Variants in NFIB observed in about 807,000 individuals in gnomAD.
The protein encoded by NFIB is nuclear factor 1 B-type.
In NFIB, 11 loss-of-function variants were observed where a neutral mutation model predicts 61.5. That is an observed-to-expected ratio of 0.18 (90% CI 0.11 to 0.30). The LOEUF (loss-of-function observed/expected upper bound fraction) is 0.30. NFIB is among the 10% of genes least tolerant of loss of function. The pLI is 1.00. For missense variants in NFIB, 471 were observed against 608.9 expected (o/e 0.77, Z 2.38); for synonymous variants, 260 against 216.5 (o/e 1.20, Z -1.76).
chr9:14,287,517 G>A (rs1282209136), intron 2 of NFIB, among the ~76,000 whole-genome samples: 7 of 151,878 alleles, frequency 4.6e-5, no homozygotes, highest in Non-Finnish European at 7.4e-5. Context: ...TCTGCCTCCC[G>A]GGTTCAAACG....
rs576843559 is a variant in NFIB, at chr9:14,086,783, T to G, written c.*1526A>C. On this transcript the variant is annotated 3_prime_UTR_variant, in exon 11 of 11. Transcript: ENST00000380953. ...TGTCACTTTGTTGTATTTTTTTGTT[T>G]TTTTTTTTTTGTTTTTTGTTTTTTA... 10 of 207,188 alleles carry G rather than the reference T, an allele frequency of 4.8e-5. No individual in the cohort carries two copies. The highest frequency in any genetic ancestry group is 2.2e-4 in the East Asian group (3 of 13,602). 12.8% of individuals were successfully genotyped at this position (207,188 alleles called of 1,614,324 possible). A position where few individuals can be genotyped will look rare whatever the true frequency, so the allele number is the denominator to read the frequency against.
intron 5 of NFIB, among the ~76,000 whole-genome samples, chr9:14,149,406 T>A (rs910196391): frequency 6.6e-6 from 1 of 152,140 alleles, no homozygotes; most frequent in Non-Finnish European, 1.5e-5. Context: ...ATTACACATA[T>A]ATTTAATGCT....
chr9:14,109,254 T>A (rs2036999463), intron 10 of NFIB, among the ~76,000 whole-genome samples: 1 of 152,136 alleles, frequency 6.6e-6, no homozygotes, highest in South Asian at 2.1e-4. Context: ...CTCTGATTGA[T>A]AGTTCCCATT....
chr9:14,305,080 G>A (rs2059949289), intron 2 of NFIB, among the ~76,000 whole-genome samples: 1 of 152,158 alleles, frequency 6.6e-6, no homozygotes, highest in South Asian at 2.1e-4. Flanking sequence ...CTTAAGAGTT[G>A]CTTAAAACTT....
At chr9:14,188,142 C>G (rs530632811) in intron 2 of NFIB, among the ~76,000 whole-genome samples, 1 of 152,320 alleles carries the variant, frequency 6.6e-6, no homozygotes, top group African/African-American at 2.4e-5. Context: ...GTCAAGATTG[C>G]TGACTTTCTA....
intron 6 of NFIB, among the ~76,000 whole-genome samples, chr9:14,135,803 T>C (rs1164875283): frequency 1.3e-5 from 2 of 152,278 alleles, no homozygotes; most frequent in Middle Eastern, 3.4e-3. Flanking sequence ...ATGAAATCAG[T>C]TCCTTTTCAA....
chr9:14,301,578 C>T lies in NFIB; in HGVS notation c.562+5411G>A, dbSNP rs558396716. ...ATAAGCGTCCCATCCCTCCCTCCCT[C>T]TCTCCTTCTCTCCCCCCACCCTTCC... On this transcript the variant is annotated intron_variant, in intron 2 of 10. Transcript: ENST00000380953. 5.9e-5 allele frequency among the ~76,000 whole-genome samples: 9 copies of T among 152,080 alleles called. No homozygotes were observed. In the South Asian group the frequency reaches 1.9e-3, roughly 32 times the overall value.
At chr9:14,371,650 T>C (rs559307114) in intron 1 of NFIB, among the ~76,000 whole-genome samples, 12 of 152,366 alleles carry the variant, frequency 7.9e-5, no homozygotes, top group Non-Finnish European at 1.5e-4. Flanking sequence ...AAACTTTACA[T>C]AAGAACATAG....
intron 3 of NFIB, among the ~76,000 whole-genome samples, chr9:14,166,772 G>A (rs2044841496): frequency 6.6e-6 from 1 of 151,922 alleles, no homozygotes; most frequent in South Asian, 2.1e-4. Context: ...AGTATCTTGG[G>A]GTTGTCCTCT....
chr9:14,306,907 T>C, intron 2 of NFIB, 82 bp downstream of exon 2: 8 of 1,547,014 alleles, frequency 5.2e-6, no homozygotes, highest in Non-Finnish European at 7.0e-6. Flanking sequence ...TTGAGGACCA[T>C]CTAACTCAAG....
chr9:14,142,208 C>G (rs1178824373), intron 6 of NFIB, among the ~76,000 whole-genome samples: 1 of 152,164 alleles, frequency 6.6e-6, no homozygotes, highest in Non-Finnish European at 1.5e-5. Flanking sequence ...ATGGGAGGAA[C>G]CTGGTGGGAG....
intron 1 of NFIB, among the ~76,000 whole-genome samples, chr9:14,338,180 G>A (rs1163591596): frequency 6.6e-6 from 1 of 152,136 alleles, no homozygotes; most frequent in East Asian, 1.9e-4. Flanking sequence ...GGATCACAAG[G>A]TCAGAAGATC....
At chr9:14,255,436 C>A (rs1397177313) in intron 2 of NFIB, among the ~76,000 whole-genome samples, 2 of 152,048 alleles carry the variant, frequency 1.3e-5, no homozygotes, top group African/African-American at 4.8e-5. Flanking sequence ...CTGACTTTAC[C>A]TTGTTTTACA....
intron 2 of NFIB, among the ~76,000 whole-genome samples, chr9:14,211,123 A>T (rs538219393): frequency 6.6e-6 from 1 of 152,288 alleles, no homozygotes; most frequent in South Asian, 2.1e-4. Context: ...ACCTGGAAAA[A>T]CTTGCGGTAA....
intron 2 of NFIB, among the ~76,000 whole-genome samples, chr9:14,192,097 C>T (rs2048011075): frequency 6.6e-6 from 1 of 152,108 alleles, no homozygotes; most frequent in Admixed American, 6.6e-5. Flanking sequence ...GAGTTAATTG[C>T]CATAGGAATA....
chr9:14,488,787 T>C, the NFIB span, among the ~76,000 whole-genome samples: 3 of 152,236 alleles, frequency 2.0e-5, no homozygotes, highest in African/African-American at 7.2e-5. Context: ...CAAAGATGAA[T>C]ACATGATTTG....
chr9:14,295,624 CCTT>C (rs1233530945), intron 2 of NFIB, among the ~76,000 whole-genome samples: 1 of 135,478 alleles, frequency 7.4e-6, no homozygotes, highest in African/African-American at 2.6e-5. Flanking sequence ...CAGCCAGACT[CCTT>C]CTCAAAAAAC....
chr9:14,218,738 G>T (rs1006091730), intron 2 of NFIB, among the ~76,000 whole-genome samples: 1 of 152,178 alleles, frequency 6.6e-6, no homozygotes, highest in Admixed American at 6.5e-5. Flanking sequence ...GCTGAAATTG[G>T]AAGTGGACTT....
At chr9:14,480,589 T>C in the NFIB span, among the ~76,000 whole-genome samples, 1 of 152,296 alleles carries the variant, frequency 6.6e-6, no homozygotes, top group East Asian at 1.9e-4. Flanking sequence ...GCCCCACAAG[T>C]TCTCTAGCCA....
Sources: allele counts gnomAD v4.1 joint callset (sites outside exome capture counted in the v4.1 genomes callset), GRCh38; gene constraint gnomAD v4.1.1; transcripts MANE v1.5; gene names NCBI Gene and HGNC (gene_info 2026-07-23, HGNC 2026-07-21).